Variants in ZNF287 observed in about 807,000 individuals in gnomAD.
The protein encoded by ZNF287 is zinc finger protein 287, also known as zinc finger protein with KRAB and SCAN domains 13.
ZNF287 carries 31 observed loss-of-function variants against 73.7 expected under a neutral mutation model. That is an observed-to-expected ratio of 0.42 (90% CI 0.32 to 0.57). The LOEUF (loss-of-function observed/expected upper bound fraction) is 0.57. Among genes scored for constraint, ZNF287 ranks in the 20% least tolerant of loss-of-function variants. ZNF287 has a pLI of 0.13. For synonymous variants in ZNF287, 301 were observed against 307.2 expected (o/e 0.98, Z 0.21); for missense variants, 641 against 909.3 (o/e 0.70, Z 3.79).
Position 16,567,394 on chromosome 17 carries a change from T to C in ZNF287, c.338A>G (p.Tyr113Cys), listed in dbSNP as rs1431558152. 2 of 1,614,238 alleles carry C rather than the reference T, an allele frequency of 1.2e-6. No individual in the cohort carries two copies. The highest frequency in any genetic ancestry group is 2.7e-5 in the African/African-American group (2 of 75,064). ...CACTGCTTCCTCGCTGCTCTCTGGA[T>C]ACTGGGACTTTACCCAAGTCCTAAC... ...GEVRTWVKSQ[Y>C]PESSEEAVTL... The change falls in exon 2 of 6, where the codon TAT (tyrosine) becomes TGT (cysteine). Residue 113 changes from tyrosine to cysteine, a missense_variant. Tyr to Cys is a radical substitution (Grantham distance 194, BLOSUM62 -2). Around this residue, in one of 2 missense-constraint regions of ZNF287, gnomAD observed 357 missense variants for 442.4 expected, o/e 0.81. Coordinates refer to ENST00000395825, the MANE Select transcript of ZNF287 (RefSeq NM_020653.4).
Position 16,548,233 on chromosome 17 carries a change from C to T in ZNF287, c.*3623G>A, listed in dbSNP as rs1159179677. Reference sequence around the variant, plus strand: ...CACAGATTAATTGCAATAGGAAAAACTACCTTTATATTGGGAAGATCTGGT... The same window carrying T: ...CACAGATTAATTGCAATAGGAAAAATTACCTTTATATTGGGAAGATCTGGT... On this transcript the variant is annotated 3_prime_UTR_variant, in exon 6 of 6. Transcript: ENST00000395825. Among the ~76,000 whole-genome samples, 1 of 152,154 alleles carries T rather than the reference C, an allele frequency of 6.6e-6. No homozygotes were observed. The highest frequency in any genetic ancestry group is 1.9e-4 in the East Asian group (1 of 5,202).
chr17:16,567,694 C>T lies in ZNF287; in HGVS notation c.38G>A (p.Arg13His), dbSNP rs749184883. 3.7e-6 allele frequency: 6 copies of T among 1,613,552 alleles called. No homozygotes were observed. Among genetic ancestry groups the T allele is most frequent in the South Asian group, 1.1e-5 (1 of 91,052 alleles). Residue 13 changes from arginine to histidine, a missense_variant, in exon 2 of 6, where the codon CGT becomes CAT. Arg to His is a conservative substitution (Grantham distance 29, BLOSUM62 0). Around this residue, in one of 2 missense-constraint regions of ZNF287, gnomAD observed 357 missense variants for 442.4 expected, o/e 0.81. Transcript: ENST00000395825. ...ASSKRMNSSS[R>H]SQILLRWKSD... ...CTTCCACCTTAGAAGGATTTGAGAA[C>T]GTGAAGAACTGTTCATCCTCTTGCT...
Position 16,552,769 on chromosome 17 carries a change from C to T in ZNF287, c.1373G>A (p.Gly458Glu). The change falls in exon 6 of 6, where the codon GGG (glycine) becomes GAG (glutamate). Residue 458 changes from glycine (G) to glutamate (E), a missense_variant. Physicochemically the swap from Gly to Glu is moderately conservative, Grantham distance 98. Transcript: ENST00000395825. This position sits in a 1 kb window ranked among gnomAD's most constrained non-coding sequence, Gnocchi z 6.5. ...GEKPYKCDDC[G>E]KDFSQRAHLT... is the part of the protein sequence containing the mutation. ...GTGTGCACGCTGACTGAAGTCTTTC[C>T]CACAGTCATCACACTTATAGGGTTT... 6.2e-7 allele frequency: 1 copy of T among 1,614,046 alleles called. No individual in the cohort carries two copies. The highest frequency in any genetic ancestry group is 2.2e-5 in the East Asian group (1 of 44,870).
chr17:16,554,409 G>A, intron 5 of ZNF287, among the ~76,000 whole-genome samples: 1 of 152,022 alleles, frequency 6.6e-6, no homozygotes, highest in Admixed American at 6.6e-5. Flanking sequence ...CCTGGCCTCA[G>A]GTGATCCGCC....
At chr17:16,563,955 T>A in intron 3 of ZNF287, 130 bp from the exon 4 acceptor site, 1 of 1,069,236 alleles carries the variant, frequency 9.4e-7, no homozygotes, top group South Asian at 1.8e-5. Context: ...AGAAGTTGTC[T>A]AGTCAAAACC....
In ZNF287 at chr17:16,549,281, G is replaced by A. The variant is rs1208036558; in HGVS notation, c.*2575C>T. 6.6e-6 allele frequency among the ~76,000 whole-genome samples: 1 copy of A among 152,178 alleles called. No individual in the cohort carries two copies. Among genetic ancestry groups the A allele is most frequent in the Admixed American group, 6.5e-5 (1 of 15,276 alleles). On this transcript the variant is annotated 3_prime_UTR_variant, in exon 6 of 6. Transcript: ENST00000395825. ...TAGGGTTCTCCACTATTACTAGTCT[G>A]TTATTTTATAAGGGCATCAATTGCC...
chr17:16,563,640 G>A lies in ZNF287; in HGVS notation c.628+59C>T, dbSNP rs957100471. 3.8e-6 allele frequency: 6 copies of A among 1,563,562 alleles called. No homozygotes were observed. In the Admixed American group the frequency reaches 1.1e-4, roughly 29 times the overall value. ...CCATTTTTAGCCAAGCATGTCTGAGGACCAACCCATTTTTAATGGGAACAG... is the reference window on the plus strand; with the variant it reads ...CCATTTTTAGCCAAGCATGTCTGAGAACCAACCCATTTTTAATGGGAACAG... On this transcript the variant is annotated intron_variant, in intron 4 of 5. Transcript: ENST00000395825.
In ZNF287 at chr17:16,567,449, C is replaced by G; in HGVS notation, c.283G>C (p.Glu95Gln). The change falls in exon 2 of 6, where the codon GAG (glutamate) becomes CAG (glutamine). Residue 95 changes from glutamate to glutamine, a missense_variant. Coordinates refer to ENST00000395825, the MANE Select transcript of ZNF287 (RefSeq NM_020653.4). Reference protein sequence around the residue: ...KEQILELLVLEQFLTILPGEV... With the variant: ...KEQILELLVLQQFLTILPGEV... Reference sequence around the variant, plus strand: ...CCAGGCAGGATGGTCAGGAATTGCTCCAGCACCAGCAGCTCCAAAATTTGT... The same window carrying G: ...CCAGGCAGGATGGTCAGGAATTGCTGCAGCACCAGCAGCTCCAAAATTTGT... The G allele has an allele frequency of 6.2e-7, 1 of 1,614,216 alleles. No homozygotes were observed. Among genetic ancestry groups the G allele is most frequent in the East Asian group, 2.2e-5 (1 of 44,882 alleles).
Position 16,567,773 on chromosome 17 carries a change from C to A in ZNF287, c.-42G>T. 15 of 1,557,774 alleles carry A rather than the reference C, an allele frequency of 9.6e-6. No individual in the cohort carries two copies. The highest frequency in any genetic ancestry group is 1.3e-5 in the Non-Finnish European group (15 of 1,154,778). On this transcript the variant is annotated 5_prime_UTR_variant, in exon 2 of 6. Transcript: ENST00000395825. ...GTCAATCTGGCAATATCCTTTATTT[C>A]TCCAGTAGTGAGCCAACTGCTTGAA...
rs1408428790 is a variant in ZNF287, at chr17:16,549,607, T to G, written c.*2249A>C. ...GTAAGGGAAATGGAAATCAAGTTTT[T>G]TAAAGAAAACACTCAATAATATAGC... is the stretch of plus-strand genomic sequence containing the variant. On this transcript the variant is annotated 3_prime_UTR_variant, in exon 6 of 6. Transcript: ENST00000395825. Among the ~76,000 whole-genome samples the G allele has an allele frequency of 6.6e-6, 1 of 152,236 alleles. No individual in the cohort carries two copies. The highest frequency in any genetic ancestry group is 1.5e-5 in the Non-Finnish European group (1 of 68,034).
Position 16,552,014 on chromosome 17 carries a change from C to T in ZNF287, c.2128G>A (p.Asp710Asn), listed in dbSNP as rs1906702852. Reference sequence around the variant, plus strand: ...CATGTTCTCTGGCTAAAATCCTTATCACATTCATTACATTTATAGGGTCTC... The same window carrying T: ...CATGTTCTCTGGCTAAAATCCTTATTACATTCATTACATTTATAGGGTCTC... ...GERPYKCNECDKDFSQRTCLI... is the reference protein window; with the variant it reads ...GERPYKCNECNKDFSQRTCLI... The change falls in exon 6 of 6, where the codon GAT becomes AAT. Residue 710 changes from aspartate (D) to asparagine (N), a missense_variant. Asp to Asn is a conservative substitution (Grantham distance 23). Around this residue, in one of 2 missense-constraint regions of ZNF287, gnomAD observed 284 missense variants for 466.8 expected, o/e 0.61. Coordinates refer to ENST00000395825, the MANE Select transcript of ZNF287 (RefSeq NM_020653.4). The surrounding 1 kb of genome is among the most constrained non-coding windows in gnomAD (Gnocchi z 6.5). 6.2e-7 allele frequency: 1 copy of T among 1,613,988 alleles called. No homozygotes were observed. The highest frequency in any genetic ancestry group is 1.3e-5 in the African/African-American group (1 of 74,920).
In ZNF287 at chr17:16,547,554, A is replaced by C. The variant is rs1906346492; in HGVS notation, c.*4302T>G. Among the ~76,000 whole-genome samples the C allele has an allele frequency of 6.6e-6, 1 of 152,200 alleles. No individual in the cohort carries two copies. The highest frequency in any genetic ancestry group is 2.1e-4 in the South Asian group (1 of 4,832). ...TGTAATTATATCCCTCATTACACAG[A>C]TATTAGGTAACTGATGGCATGAGTG... On this transcript the variant is annotated 3_prime_UTR_variant, in exon 6 of 6. Coordinates refer to ENST00000395825, the MANE Select transcript of ZNF287 (RefSeq NM_020653.4).
chr17:16,551,645 C>T lies in ZNF287; in HGVS notation c.*211G>A. 2.0e-6 allele frequency: 1 copy of T among 497,644 alleles called. No individual in the cohort carries two copies. 30.8% of individuals were successfully genotyped at this position (497,644 alleles called of 1,614,324 possible). On this transcript the variant is annotated 3_prime_UTR_variant, in exon 6 of 6. Coordinates refer to ENST00000395825, the MANE Select transcript of ZNF287 (RefSeq NM_020653.4). ...GTTTCTTTCTGTAATGAATTAAAAT[C>T]ATATCAAATTAAGGTTAAGAAGTCA...
intron 5 of ZNF287, among the ~76,000 whole-genome samples, chr17:16,559,491 T>A (rs919484920): frequency 6.6e-6 from 1 of 152,006 alleles, no homozygotes; most frequent in Admixed American, 6.6e-5. Flanking sequence ...AAATGGAATA[T>A]GGGAATATAA....
intron 5 of ZNF287, 83 bp downstream of exon 5, chr17:16,563,063 G>A (rs1354703549): frequency 8.9e-7 from 1 of 1,120,974 alleles, no homozygotes; most frequent in Admixed American, 2.0e-5. Flanking sequence ...AAGTGACCTG[G>A]TCATATTTAA....
chr17:16,562,710 TAAA>T (rs1016585606), intron 5 of ZNF287, among the ~76,000 whole-genome samples: 2 of 151,856 alleles, frequency 1.3e-5, no homozygotes, highest in African/African-American at 4.8e-5. Flanking sequence ...AATTAGAAAA[TAAA>T]AAAGAAAGGG....
chr17:16,563,744 A>G lies in ZNF287; in HGVS notation c.583T>C (p.Tyr195His). The change falls in exon 4 of 6, where the codon TAC (tyrosine) becomes CAC (histidine). Residue 195 changes from tyrosine to histidine, a missense_variant. By Grantham distance (83) the Tyr-to-His change is moderately conservative. Coordinates refer to ENST00000395825, the MANE Select transcript of ZNF287 (RefSeq NM_020653.4). ...TAGTTCTGTAACGTCACAGTCTTGT[A>G]TAATTCCTTCTGCACAGGACGCATT... ...ELMRPVQKEL[Y>H]KTVTLQNYWN... 1 of 1,614,010 alleles carries G rather than the reference A, an allele frequency of 6.2e-7. No individual in the cohort carries two copies. The highest frequency in any genetic ancestry group is 8.5e-7 in the Non-Finnish European group (1 of 1,179,910).
rs896981418 is a variant in ZNF287, at chr17:16,560,506, C to T, written c.715+2640G>A. Among the ~76,000 whole-genome samples, 12 of 151,150 alleles carry T rather than the reference C, an allele frequency of 7.9e-5. 1 individual carries two copies. In the South Asian group the frequency reaches 8.3e-4, roughly 10 times the overall value. The stretch of plus-strand genomic sequence containing the variant: ...CTGGGATTACAGGCACCCACCACCA[C>T]GCCCAGCTAATTTTTGTATTTTCAG... On this transcript the variant is annotated intron_variant, in intron 5 of 5. Transcript: ENST00000395825.
intron 5 of ZNF287, among the ~76,000 whole-genome samples, chr17:16,556,058 A>G (rs1280746189): frequency 6.6e-6 from 1 of 152,076 alleles, no homozygotes; most frequent in African/African-American, 2.4e-5. Flanking sequence ...TAGTTTAAGG[A>G]CTAGTGGCAG....
Sources: allele counts gnomAD v4.1 joint callset (sites outside exome capture counted in the v4.1 genomes callset), GRCh38; gene constraint gnomAD v4.1.1; regional missense constraint gnomAD v4.1.1; non-coding constraint Gnocchi (gnomAD v3.1); transcripts MANE v1.5; gene names NCBI Gene and HGNC (gene_info 2026-07-23, HGNC 2026-07-21).